SLC68A1: variants seen among roughly 807,000 people sequenced by gnomAD.
SLC68A1 encodes the protein major facilitator superfamily domain containing 13A.
chr10:102,463,169 C>CTT, the SLC68A1 span, among the ~76,000 whole-genome samples: 5 of 131,756 alleles, frequency 3.8e-5, no homozygotes, highest in Admixed American at 7.5e-5. Flanking sequence ...CCCAGCCCTG[C>CTT]TTTTTTTTTT....
chr10:102,470,082 G>A, the SLC68A1 span: 2 of 1,613,420 alleles, frequency 1.2e-6, no homozygotes, highest in East Asian at 4.5e-5. Context: ...CCCGGTTGGT[G>A]TATTGGGAAC....
chr10:102,471,476 T>A, the SLC68A1 span: 1 of 1,562,286 alleles, frequency 6.4e-7, no homozygotes, highest in Admixed American at 1.7e-5. Flanking sequence ...AGCTGGGAAC[T>A]TGGCCACGCA....
At chr10:102,474,534 C>T in the SLC68A1 span, among the ~76,000 whole-genome samples, 2 of 151,992 alleles carry the variant, frequency 1.3e-5, no homozygotes, top group South Asian at 2.1e-4. Flanking sequence ...GAACAGCAGG[C>T]GCAAAGGCCC....
the SLC68A1 span, chr10:102,473,902 A>G: frequency 6.2e-7 from 1 of 1,614,026 alleles, no homozygotes; most frequent in Non-Finnish European, 8.5e-7. Flanking sequence ...GTGCTGAACC[A>G]CCGCAAGCAG....
At chr10:102,476,943 G>C in the SLC68A1 span, 3 of 985,610 alleles carry the variant, frequency 3.0e-6, no homozygotes, top group Admixed American at 6.1e-5. Flanking sequence ...TGTGCTTGAA[G>C]TGGCATGCCT....
chr10:102,476,199 G>A, the SLC68A1 span: 1 of 795,284 alleles, frequency 1.3e-6, no homozygotes, highest in Non-Finnish European at 1.8e-6. Context: ...TCCCGAGTAG[G>A]TGGGATTATA....
At chr10:102,469,032 G>A in the SLC68A1 span, 1 of 1,612,256 alleles carries the variant, frequency 6.2e-7, no homozygotes, top group Non-Finnish European at 8.5e-7. Flanking sequence ...CTGCAGCCAT[G>A]GGGCTGGGTC....
the SLC68A1 span, chr10:102,474,029 A>T: frequency 6.3e-7 from 1 of 1,578,204 alleles, no homozygotes; most frequent in Non-Finnish European, 8.6e-7. Flanking sequence ...GCCTGGTAGC[A>T]GGCAAGGGCT....
the SLC68A1 span, chr10:102,471,022 T>C: frequency 2.5e-6 from 4 of 1,613,530 alleles, no homozygotes; most frequent in Non-Finnish European, 3.4e-6. Context: ...CTGTCAGCTC[T>C]GGGCTGGGCT....
chr10:102,470,154 T>A, the SLC68A1 span: 1 of 1,343,766 alleles, frequency 7.4e-7, no homozygotes, highest in Non-Finnish European at 1.1e-6. Flanking sequence ...CTGCCTGTGT[T>A]TGGGGTGGGG....
the SLC68A1 span, chr10:102,475,662 G>A: frequency 6.6e-7 from 1 of 1,522,530 alleles, no homozygotes; most frequent in Middle Eastern, 1.8e-4. Context: ...AGACTTGGAG[G>A]GCACCAAGGC....
the SLC68A1 span, among the ~76,000 whole-genome samples, chr10:102,467,935 G>T: frequency 6.6e-6 from 1 of 152,154 alleles, no homozygotes; most frequent in African/African-American, 2.4e-5. Context: ...CTTATTACAG[G>T]CGTGAGCCAC....
chr10:102,471,494 T>A, the SLC68A1 span: 1 of 1,509,318 alleles, frequency 6.6e-7, no homozygotes, highest in African/African-American at 1.4e-5. Context: ...GCATGGTGGC[T>A]CATGCCTGTA....
the SLC68A1 span, among the ~76,000 whole-genome samples, chr10:102,471,690 C>T: frequency 9.9e-5 from 15 of 151,514 alleles, no homozygotes; most frequent in East Asian, 1.6e-3. Context: ...ACCCGGAAGG[C>T]GGAGGTTGCA....
the SLC68A1 span, chr10:102,476,814 A>C: frequency 3.0e-6 from 3 of 985,676 alleles, no homozygotes; most frequent in African/African-American, 5.2e-5. Flanking sequence ...GGACTCAGGA[A>C]CCACTTTTAA....
At chr10:102,474,506 G>A in the SLC68A1 span, among the ~76,000 whole-genome samples, 1 of 152,146 alleles carries the variant, frequency 6.6e-6, no homozygotes, top group Non-Finnish European at 1.5e-5. Context: ...AAAGGTCTCA[G>A]TGAATCGCAG....
At chr10:102,475,567 G>A in the SLC68A1 span, among the ~76,000 whole-genome samples, 1 of 152,144 alleles carries the variant, frequency 6.6e-6, no homozygotes, top group Non-Finnish European at 1.5e-5. Context: ...TCACTGAGAT[G>A]GGAAGAGTAG....
At chr10:102,465,584 C>G in the SLC68A1 span, among the ~76,000 whole-genome samples, 1 of 152,172 alleles carries the variant, frequency 6.6e-6, no homozygotes, top group African/African-American at 2.4e-5. Context: ...GAGGGAGTGA[C>G]TGGCTCAAGG....
chr10:102,463,277 A>G, the SLC68A1 span, among the ~76,000 whole-genome samples: 1 of 149,902 alleles, frequency 6.7e-6, no homozygotes, highest in African/African-American at 2.5e-5. Context: ...GGTTCACGCT[A>G]TTCTGCCTCA....
Sources: allele counts gnomAD v4.1 joint callset (sites outside exome capture counted in the v4.1 genomes callset), GRCh38; gene constraint gnomAD v4.1.1; transcripts MANE v1.5; gene names NCBI Gene and HGNC (gene_info 2026-07-23, HGNC 2026-07-21).